PARP4: variants seen among roughly 807,000 people sequenced by gnomAD.
The protein encoded by PARP4 is poly(ADP-ribose) polymerase family member 4, also known as protein mono-ADP-ribosyltransferase PARP4.
A neutral mutation model predicts 187.7 loss-of-function variants in PARP4; 120 were observed. The ratio of observed to expected loss-of-function variants is 0.64; its 90% CI spans 0.55 to 0.74. The LOEUF is 0.74. Ranked by LOEUF, PARP4 falls within the 30% of genes least tolerant of loss-of-function variation. PARP4 has a pLI of 0.00. For synonymous variants in PARP4, 654 were observed against 740.9 expected, an observed-to-expected ratio of 0.88 and a Z score of 1.90; for missense variants, 1,836 against 2,070.5, an observed-to-expected ratio of 0.89 and a Z score of 2.20.
chr13:24,484,606 C>T lies in PARP4; in HGVS notation c.1448+47G>A, dbSNP rs1250297019. ...CACCAAGGAAAGACAGAAGAAAATACACAGCAAGTATTCAGTAACGATTCT... is the reference window on the plus strand; with the variant it reads ...CACCAAGGAAAGACAGAAGAAAATATACAGCAAGTATTCAGTAACGATTCT... On this transcript the variant is annotated intron_variant, in intron 12 of 33. Coordinates refer to ENST00000381989, the MANE Select transcript of PARP4 (RefSeq NM_006437.4). 4.0e-6 allele frequency: 5 copies of T among 1,262,362 alleles called. No individual in the cohort carries two copies. In the East Asian group the frequency reaches 1.2e-4, roughly 29 times the overall value. 78.2% of individuals were successfully genotyped at this position (1,262,362 alleles called of 1,614,324 possible).
chr13:24,453,696 C>T, intron 22 of PARP4, 42 bp from the exon 23 acceptor site: 1 of 1,102,548 alleles, frequency 9.1e-7, no homozygotes, highest in South Asian at 1.2e-5. Context: ...TCCACACGTT[C>T]ACTTGCTTGA....
At chr13:24,424,758 G>A (rs1396047788) in intron 33 of PARP4, among the ~76,000 whole-genome samples, 6 of 144,926 alleles carry the variant, frequency 4.1e-5, no homozygotes, top group African/African-American at 1.0e-4. Context: ...TGCAAGCTCT[G>A]CCTCCCAGGT....
intron 23 of PARP4, 36 bp from the exon 24 acceptor site, chr13:24,452,629 G>A: frequency 6.5e-7 from 1 of 1,532,900 alleles, no homozygotes; most frequent in Non-Finnish European, 8.9e-7. Context: ...TGTTCTCCTT[G>A]TTGGATGCAG....
At chr13:24,472,504 C>A (rs2137503234) in intron 15 of PARP4, among the ~76,000 whole-genome samples, 1 of 152,322 alleles carries the variant, frequency 6.6e-6, no homozygotes, top group Admixed American at 6.5e-5. Context: ...ATCAGAACAT[C>A]ATGGCACTGT....
chr13:24,438,380 ACCT>A (rs1285282578), intron 30 of PARP4, among the ~76,000 whole-genome samples: 1 of 152,010 alleles, frequency 6.6e-6, no homozygotes, highest in East Asian at 1.9e-4. Flanking sequence ...ACTGCCCCTC[ACCT>A]CCTGCTGTGC....
At chr13:24,439,650 C>T (rs2137449220) in intron 30 of PARP4, among the ~76,000 whole-genome samples, 1 of 152,288 alleles carries the variant, frequency 6.6e-6, no homozygotes, top group Admixed American at 6.5e-5. Flanking sequence ...ATGACCATCT[C>T]CATTTTCAGA....
rs751121357 is a variant in PARP4, at chr13:24,460,101, AG to A, written c.2168del (p.Pro723LeufsTer7). 1.9e-5 allele frequency: 30 copies of A among 1,613,604 alleles called. 1 individual carries two copies. In the South Asian group the frequency reaches 3.1e-4, roughly 17 times the overall value. On this transcript the variant is annotated frameshift_variant, in exon 18 of 34. Coordinates refer to ENST00000381989, the MANE Select transcript of PARP4 (RefSeq NM_006437.4). LOFTEE classifies it high-confidence loss of function. ...VFTVSVGNLP[P>X]KAKVLIKITY... ...TAATTTTTATAAGAACCTTAGCCTTAGGGGGTAAGTTTCCAACACTTACAGT... is the reference window on the plus strand; with the variant it reads ...TAATTTTTATAAGAACCTTAGCCTTAGGGGTAAGTTTCCAACACTTACAGT...
At chr13:24,499,983 T>C (rs1869181352) in intron 4 of PARP4, among the ~76,000 whole-genome samples, 1 of 151,530 alleles carries the variant, frequency 6.6e-6, no homozygotes, top group South Asian at 2.1e-4. Context: ...CAGGCAAAAG[T>C]AACAAACTGT....
At chr13:24,495,222 G>A (rs751919881) in intron 6 of PARP4, among the ~76,000 whole-genome samples, 1 of 152,080 alleles carries the variant, frequency 6.6e-6, no homozygotes, top group African/African-American at 2.4e-5. Context: ...GAGGTAGAGG[G>A]GAAAAAGCTT....
intron 23 of PARP4, 68 bp downstream of exon 23, chr13:24,453,519 G>T (rs958689881): frequency 4.3e-6 from 4 of 939,616 alleles, no homozygotes; most frequent in African/African-American, 1.6e-5. Flanking sequence ...AGTGGCCTAA[G>T]CCCTGGAGGT....
intron 6 of PARP4, among the ~76,000 whole-genome samples, chr13:24,496,189 A>G (rs1257496057): frequency 6.6e-6 from 1 of 152,194 alleles, no homozygotes; most frequent in East Asian, 1.9e-4. Context: ...ACAATAACAC[A>G]TTCTATCATG....
rs776063153 is a variant in PARP4, at chr13:24,486,184, C to T, written c.1336G>A (p.Val446Met). Reference protein sequence around the residue: ...LLHGSPVQNIVGILCRGLLLP... With the variant: ...LLHGSPVQNIMGILCRGLLLP... Reference sequence around the variant, plus strand: ...TACTCTTACCGACACAAGATTCCCACGATGTTTTGTACAGGAGAACCATGC... The same window carrying T: ...TACTCTTACCGACACAAGATTCCCATGATGTTTTGTACAGGAGAACCATGC... Residue 446 changes from valine (V) to methionine (M), a missense_variant, in exon 11 of 34, where the codon GTG (valine) becomes ATG (methionine). Coordinates refer to ENST00000381989, the MANE Select transcript of PARP4 (RefSeq NM_006437.4). 37 of 1,610,482 alleles carry T rather than the reference C, an allele frequency of 2.3e-5. No individual in the cohort carries two copies. The highest frequency in any genetic ancestry group is 2.8e-5 in the Non-Finnish European group (33 of 1,178,942).
intron 2 of PARP4, 44 bp downstream of exon 2, chr13:24,503,601 G>T (rs761208925): frequency 1.2e-6 from 2 of 1,605,330 alleles, no homozygotes; most frequent in Admixed American, 1.7e-5. Context: ...TTCCCTGAAT[G>T]CGCAATGTTT....
intron 24 of PARP4, among the ~76,000 whole-genome samples, chr13:24,451,326 T>C (rs976619449): frequency 2.0e-5 from 3 of 152,210 alleles, no homozygotes; most frequent in African/African-American, 7.2e-5. Context: ...AGGCTGGATA[T>C]ATTTCTTCAT....
chr13:24,477,911 G>C, intron 13 of PARP4, 54 bp from the exon 14 acceptor site: 1 of 1,311,912 alleles, frequency 7.6e-7, no homozygotes, highest in Non-Finnish European at 1.1e-6. Context: ...CAAAAAACCT[G>C]TATTGGCAGA....
intron 25 of PARP4, among the ~76,000 whole-genome samples, chr13:24,448,972 G>T (rs1278472688): frequency 6.6e-6 from 1 of 152,240 alleles, no homozygotes; most frequent in Non-Finnish European, 1.5e-5. Context: ...GGTGTAGGAG[G>T]GAATGTGGAG....
chr13:24,467,118 A>G (rs1240249254), intron 17 of PARP4, among the ~76,000 whole-genome samples: 2 of 152,204 alleles, frequency 1.3e-5, no homozygotes. Flanking sequence ...GGAGAAAACC[A>G]TCAAATGGTC....
chr13:24,493,089 C>T (rs775743449), intron 8 of PARP4, among the ~76,000 whole-genome samples: 1 of 152,234 alleles, frequency 6.6e-6, no homozygotes, highest in Non-Finnish European at 1.5e-5. Flanking sequence ...TACAACAATG[C>T]AGTTGCACAA....
At chr13:24,493,832 T>A in intron 7 of PARP4, 99 bp from the exon 8 acceptor site, 2 of 1,177,540 alleles carry the variant, frequency 1.7e-6, no homozygotes, top group Non-Finnish European at 2.5e-6. Flanking sequence ...GAGAAATAAT[T>A]GATTAGAGCC....
Sources: gnomAD v4.1 joint callset for allele counts (sites outside exome capture counted in the v4.1 genomes callset) on GRCh38, gnomAD v4.1.1 for gene constraint, MANE v1.5 for transcripts, NCBI Gene and HGNC (gene_info 2026-07-23, HGNC 2026-07-21) for gene names.